The following BICC1 variants were observed in gnomAD, a reference collection of about 807,000 sequenced individuals.
BICC1 encodes the protein protein bicaudal C homolog 1.
In BICC1, 43 loss-of-function variants were observed where a neutral mutation model predicts 111.0. That is an observed-to-expected ratio of 0.39 (90% CI 0.30 to 0.50). The LOEUF (loss-of-function observed/expected upper bound fraction) is 0.50. Among genes scored for constraint, BICC1 ranks in the 20% least tolerant of loss-of-function variants. The probability of loss-of-function intolerance (pLI) is 0.88; values close to 1 mark genes in which losing one functional copy is unlikely to be tolerated. For synonymous variants in BICC1, 467 were observed against 434.4 expected (o/e 1.07, Z -0.93); for missense variants, 1,091 against 1,203.2 (o/e 0.91, Z 1.38).
intron 1 of BICC1, among the ~76,000 whole-genome samples, chr10:58,583,447 T>C (rs1564497640): frequency 6.6e-6 from 1 of 151,992 alleles, no homozygotes; most frequent in Non-Finnish European, 1.5e-5. Context: ...CTCCCACTTA[T>C]AAGTGAGAAC....
At chr10:58,525,492 C>T (rs1428783067) in intron 1 of BICC1, among the ~76,000 whole-genome samples, 2 of 128,444 alleles carry the variant, frequency 1.6e-5, no homozygotes, top group Non-Finnish European at 1.6e-5. Context: ...TGTTCTCACT[C>T]ATAGGTGGGA....
chr10:58,773,321 G>A (rs985502296), intron 3 of BICC1, among the ~76,000 whole-genome samples: 44 of 152,252 alleles, frequency 2.9e-4, no homozygotes, highest in Admixed American at 5.2e-4. Flanking sequence ...ACACTTTCTC[G>A]TTAAAAGAAG....
At chr10:58,697,866 GTTC>G (rs1437338321) in intron 2 of BICC1, among the ~76,000 whole-genome samples, 21 of 151,788 alleles carry the variant, frequency 1.4e-4, no homozygotes, top group African/African-American at 5.1e-4. Context: ...CAGTACTGAA[GTTC>G]CTAGACCAAA....
At chr10:58,637,680 T>C (rs1293759900) in intron 2 of BICC1, among the ~76,000 whole-genome samples, 1 of 152,266 alleles carries the variant, frequency 6.6e-6, no homozygotes, top group Non-Finnish European at 1.5e-5. Flanking sequence ...CTTTCATCTT[T>C]ATTGTTATGA....
At chr10:58,796,914 A>G (rs1843372975) in intron 10 of BICC1, among the ~76,000 whole-genome samples, 1 of 147,252 alleles carries the variant, frequency 6.8e-6, no homozygotes, top group African/African-American at 2.5e-5. Context: ...TTAAAAAGTA[A>G]TTGCAAATCT....
Position 58,783,248 on chromosome 10 carries a change from T to C in BICC1, c.308-1753T>C, listed in dbSNP as rs148779336. Among the ~76,000 whole-genome samples, 1,113 of 152,246 alleles carry C rather than the reference T, an allele frequency of 7.3e-3. 8 individuals carry two copies. The highest frequency in any genetic ancestry group is 0.014 in the South Asian group (67 of 4,820). On this transcript the variant is annotated intron_variant, in intron 3 of 20. Transcript: ENST00000373886. ...AGAGACTCAAATTAGGCACAGCTGC[T>C]GGACATCTCCCCAGGAGGCCAGAGG...
chr10:58,544,893 CT>C (rs1413460122), intron 1 of BICC1, among the ~76,000 whole-genome samples: 1 of 151,972 alleles, frequency 6.6e-6, no homozygotes, highest in African/African-American at 2.4e-5. Context: ...TCTAATATGA[CT>C]GGTATTCTTA....
chr10:58,514,416 C>A (rs549799017), intron 1 of BICC1, among the ~76,000 whole-genome samples: 1 of 152,174 alleles, frequency 6.6e-6, no homozygotes, highest in African/African-American at 2.4e-5. Flanking sequence ...GCATAACTTA[C>A]TTTGACTTTA....
At chr10:58,800,863 T>C (rs756073958) in intron 13 of BICC1, 27 bp from the exon 14 acceptor site, 3 of 1,567,748 alleles carry the variant, frequency 1.9e-6, no homozygotes, top group Admixed American at 1.9e-5. Flanking sequence ...TTTAGGTGTT[T>C]CACTTTTTTT....
chr10:58,582,160 G>A (rs1844300435), intron 1 of BICC1, among the ~76,000 whole-genome samples: 1 of 152,062 alleles, frequency 6.6e-6, no homozygotes, highest in African/African-American at 2.4e-5. Context: ...TTCTCTTAGT[G>A]GACATTTCTG....
chr10:58,798,936 G>C, intron 11 of BICC1, 120 bp from the exon 12 acceptor site: 1 of 765,436 alleles, frequency 1.3e-6, no homozygotes, highest in Non-Finnish European at 2.0e-6. Context: ...TTACAGAGGT[G>C]TCAAAATTGA....
chr10:58,557,291 T>C (rs1589095344), intron 1 of BICC1, among the ~76,000 whole-genome samples: 1 of 151,796 alleles, frequency 6.6e-6, no homozygotes, highest in African/African-American at 2.4e-5. Flanking sequence ...CTAGCTGTTT[T>C]AAAGATTGTC....
intron 3 of BICC1, chr10:58,716,049 T>C (rs1840729927): frequency 6.9e-7 from 1 of 1,440,566 alleles, no homozygotes; most frequent in Non-Finnish European, 9.5e-7. Context: ...AGTCAAAAGA[T>C]GGAACTGAGA....
chr10:58,804,616 C>G (rs1289554867), intron 15 of BICC1, among the ~76,000 whole-genome samples: 1 of 152,182 alleles, frequency 6.6e-6, no homozygotes, highest in Non-Finnish European at 1.5e-5. Context: ...TAACAAATAT[C>G]AAATCCCCTT....
intron 2 of BICC1, among the ~76,000 whole-genome samples, chr10:58,699,625 G>A (rs1368651186): frequency 1.3e-5 from 2 of 149,024 alleles, no homozygotes; most frequent in South Asian, 2.1e-4. Flanking sequence ...AAAAAGAAAA[G>A]CATGTAGATT....
At chr10:58,822,530 C>T (rs1271712126) in intron 20 of BICC1, among the ~76,000 whole-genome samples, 4 of 152,006 alleles carry the variant, frequency 2.6e-5, no homozygotes, top group African/African-American at 7.2e-5. Context: ...TTGCAGACTT[C>T]CTCTCTCAGT....
intron 3 of BICC1, among the ~76,000 whole-genome samples, chr10:58,759,462 C>A (rs1459246479): frequency 6.6e-6 from 1 of 152,000 alleles, no homozygotes; most frequent in Admixed American, 6.6e-5. Context: ...TTCCTTGATA[C>A]AAACAGCTCT....
intron 1 of BICC1, among the ~76,000 whole-genome samples, chr10:58,616,359 A>C (rs1845606441): frequency 6.6e-6 from 1 of 152,206 alleles, no homozygotes; most frequent in Non-Finnish European, 1.5e-5. Flanking sequence ...AAAATTGATA[A>C]ACAGCCAAAT....
intron 3 of BICC1, among the ~76,000 whole-genome samples, chr10:58,721,615 G>A (rs886546593): frequency 6.6e-6 from 1 of 152,258 alleles, no homozygotes; most frequent in African/African-American, 2.4e-5. Flanking sequence ...TGGAACATAG[G>A]CACTTGAAGC....
Sources: allele counts gnomAD v4.1 joint callset (sites outside exome capture counted in the v4.1 genomes callset), GRCh38; gene constraint gnomAD v4.1.1; transcripts MANE v1.5; gene names NCBI Gene and HGNC (gene_info 2026-07-23, HGNC 2026-07-21).